The following RFX3 variants were observed in gnomAD, a reference collection of about 807,000 sequenced individuals.
The protein encoded by RFX3 is transcription factor RFX3.
A neutral mutation model predicts 98.6 loss-of-function variants in RFX3; 14 were observed. The observed-to-expected ratio is 0.14, with a 90% CI of 0.09 to 0.22. The LOEUF (loss-of-function observed/expected upper bound fraction) is 0.22, where lower values mean the gene tolerates loss of function less well. Among genes scored for constraint, RFX3 ranks in the 10% least tolerant of loss-of-function variants. RFX3 has a pLI of 1.00. For missense variants in RFX3, 639 were observed against 926.9 expected (o/e 0.69, Z 4.03); for synonymous variants, 383 against 328.4 (o/e 1.17, Z -1.80).
intron 1 of RFX3, among the ~76,000 whole-genome samples, chr9:3,405,800 C>G (rs1231349704): frequency 6.6e-6 from 1 of 152,136 alleles, no homozygotes; most frequent in Non-Finnish European, 1.5e-5. Context: ...AATAGGTTCT[C>G]AGTGCCCTCA....
At chr9:3,334,906 G>C (rs1300433098) in intron 3 of RFX3, among the ~76,000 whole-genome samples, 1 of 152,002 alleles carries the variant, frequency 6.6e-6, no homozygotes, top group African/African-American at 2.4e-5. Flanking sequence ...GATCACCTGA[G>C]GTCAGGAGTT....
chr9:3,451,427 C>T lies in RFX3; in HGVS notation c.-8-55831G>A, dbSNP rs148961297. On this transcript the variant is annotated intron_variant, in intron 1 of 16. Transcript: ENST00000617270. Reference sequence around the variant, plus strand: ...AGGGCATGGTGGCGTGTCTGTAGTCCCAGCTACTTAGGAAGCTGAGGTAGG... The same window carrying T: ...AGGGCATGGTGGCGTGTCTGTAGTCTCAGCTACTTAGGAAGCTGAGGTAGG... 6.3e-3 allele frequency among the ~76,000 whole-genome samples: 951 copies of T among 152,076 alleles called. 11 individuals are homozygous for T. The highest frequency in any genetic ancestry group is 0.022 in the African/African-American group (904 of 41,472).
intron 4 of RFX3, among the ~76,000 whole-genome samples, chr9:3,320,599 T>C (rs968519835): frequency 6.6e-6 from 1 of 150,576 alleles, no homozygotes; most frequent in Non-Finnish European, 1.5e-5. Context: ...ATATCTTATA[T>C]AAGCACATAG....
chr9:3,298,051 T>C (rs1438188092), intron 5 of RFX3, among the ~76,000 whole-genome samples: 1 of 151,768 alleles, frequency 6.6e-6, no homozygotes, highest in Non-Finnish European at 1.5e-5. Flanking sequence ...AGACTATACA[T>C]CTCATACTGT....
intron 4 of RFX3, among the ~76,000 whole-genome samples, chr9:3,302,522 C>G (rs749137640): frequency 6.7e-6 from 1 of 149,516 alleles, no homozygotes; most frequent in Non-Finnish European, 1.5e-5. Context: ...ACAATATTAG[C>G]TAAATTCAAA....
intron 3 of RFX3, among the ~76,000 whole-genome samples, chr9:3,333,913 C>T (rs183354517): frequency 3.3e-5 from 5 of 152,182 alleles, no homozygotes; most frequent in Admixed American, 2.0e-4. Context: ...GCTTTTTAGG[C>T]ATTAGCTCAT....
chr9:3,479,677 G>A (rs1849577616), intron 1 of RFX3, among the ~76,000 whole-genome samples: 2 of 152,202 alleles, frequency 1.3e-5, no homozygotes, highest in African/African-American at 4.8e-5. Flanking sequence ...AAGTAAAAGT[G>A]AGGAGGAAAG....
chr9:3,416,412 G>C (rs1325195308), intron 1 of RFX3, among the ~76,000 whole-genome samples: 3 of 152,110 alleles, frequency 2.0e-5, no homozygotes, highest in Admixed American at 6.6e-5. Flanking sequence ...TGTTGGGCCT[G>C]TTTCTGCCAT....
rs1563937524 is a variant in RFX3 at position 3,330,514 on chromosome 9, T to C, written c.219A>G (p.Arg73=). ...TCTCTGTGTAAGGATACGTTGTTGTTCGGCTTTAGAAGAAGAAGAAAAAAG... is the reference window on the plus strand; with the variant it reads ...TCTCTGTGTAAGGATACGTTGTTGTCCGGCTTTAGAAGAAGAAGAAAAAAG... ...SDTVYTNGAI[R]TTTYPYTETQ... The change falls in exon 4 of 17, where the codon CGA becomes CGG. Residue 73 remains arginine (R), a synonymous_variant. Transcript: ENST00000617270. 1 of 1,603,534 alleles carries C rather than the reference T, an allele frequency of 6.2e-7. No individual in the cohort carries two copies. The highest frequency in any genetic ancestry group is 8.5e-7 in the Non-Finnish European group (1 of 1,171,844).
intron 1 of RFX3, among the ~76,000 whole-genome samples, chr9:3,484,141 T>A (rs1231686122): frequency 6.6e-6 from 1 of 152,122 alleles, no homozygotes; most frequent in Admixed American, 6.5e-5. Context: ...TTAGTTCAGG[T>A]TTTTCAGCCA....
At position 3,219,525 on chromosome 9, in the gene RFX3, T is replaced by G. The variant is rs1817236751; in HGVS notation, c.*5517A>C. The G allele has an allele frequency of 6.6e-6, 1 of 151,192 alleles. No individual in the cohort carries two copies. Among genetic ancestry groups the G allele is most frequent in the African/African-American group, 2.4e-5 (1 of 41,222 alleles). The allele number at this position is 151,192 out of a possible 1,614,324, so 9.4% of individuals were successfully genotyped here. ...CAAATAAAAGAAGAGACAAAACACATTTTTCTTTTTAAAAAAACATATTAT... is the reference window on the plus strand; with the variant it reads ...CAAATAAAAGAAGAGACAAAACACAGTTTTCTTTTTAAAAAAACATATTAT... On this transcript the variant is annotated 3_prime_UTR_variant, in exon 17 of 17. Transcript: ENST00000617270.
At chr9:3,328,580 GAAA>G (rs1010654015) in intron 4 of RFX3, among the ~76,000 whole-genome samples, 23 of 151,848 alleles carry the variant, frequency 1.5e-4, no homozygotes, top group African/African-American at 5.3e-4. Flanking sequence ...AAATTACAAA[GAAA>G]AAAATTACAA....
intron 1 of RFX3, among the ~76,000 whole-genome samples, chr9:3,504,170 T>TTA (rs1816386442): frequency 1.0e-5 from 1 of 100,072 alleles, no homozygotes; most frequent in African/African-American, 5.7e-5. Context: ...ATTATATATA[T>TTA]TATATATTAT....
At chr9:3,294,624 T>TA (rs1481295689) in intron 5 of RFX3, among the ~76,000 whole-genome samples, 3 of 152,166 alleles carry the variant, frequency 2.0e-5, no homozygotes, top group Non-Finnish European at 2.9e-5. Flanking sequence ...AAAAATTCAT[T>TA]AAAAATATTT....
intron 2 of RFX3, among the ~76,000 whole-genome samples, chr9:3,382,073 A>G (rs1271029062): frequency 6.6e-6 from 1 of 152,030 alleles, no homozygotes; most frequent in Non-Finnish European, 1.5e-5. Flanking sequence ...TAGATCTGTC[A>G]CTCAGGCTAG....
chr9:3,385,302 T>C (rs966739169), intron 2 of RFX3, among the ~76,000 whole-genome samples: 1 of 152,190 alleles, frequency 6.6e-6, no homozygotes, highest in African/African-American at 2.4e-5. Context: ...ATTGATAGTT[T>C]GATAGGCAAA....
intron 13 of RFX3, among the ~76,000 whole-genome samples, chr9:3,259,756 A>G (rs1007323301): frequency 6.6e-6 from 1 of 152,106 alleles, no homozygotes; most frequent in Non-Finnish European, 1.5e-5. Context: ...TCTTAAATGC[A>G]TAAAGAAAAG....
intron 15 of RFX3, among the ~76,000 whole-genome samples, chr9:3,237,380 G>A (rs1380295557): frequency 1.3e-5 from 2 of 152,138 alleles, no homozygotes; most frequent in Non-Finnish European, 2.9e-5. Context: ...TCCAGTAGCA[G>A]TACAGTATTA....
intron 14 of RFX3, among the ~76,000 whole-genome samples, chr9:3,251,530 A>G (rs1586742683): frequency 6.6e-6 from 1 of 151,866 alleles, no homozygotes; most frequent in East Asian, 1.9e-4. Context: ...ATGGGGTCTC[A>G]CTATGTTGCC....
Sources: gnomAD v4.1 joint callset for allele counts (sites outside exome capture counted in the v4.1 genomes callset) on GRCh38, gnomAD v4.1.1 for gene constraint, MANE v1.5 for transcripts, NCBI Gene and HGNC (gene_info 2026-07-23, HGNC 2026-07-21) for gene names.